COL4A1: variants seen among roughly 807,000 people sequenced by gnomAD.
The protein encoded by COL4A1 is collagen type IV alpha 1 chain, also known as collagen alpha-1(IV) chain.
Under a neutral mutation model 216.6 loss-of-function variants are expected in COL4A1, and 40 were observed. The ratio of observed to expected loss-of-function variants is 0.18; its 90% CI spans 0.14 to 0.24. The LOEUF is 0.24. COL4A1 is among the 10% of genes least tolerant of loss of function. COL4A1 has a pLI of 1.00. For missense variants in COL4A1, 1,628 were observed against 2,196.8 expected, an observed-to-expected ratio of 0.74 and a Z score of 5.18; for synonymous variants, 839 against 810.7, an observed-to-expected ratio of 1.03 and a Z score of -0.59.
intron 1 of COL4A1, among the ~76,000 whole-genome samples, chr13:110,258,830 A>G (rs2139274398): frequency 6.6e-6 from 1 of 152,380 alleles, no homozygotes; most frequent in South Asian, 2.1e-4. Flanking sequence ...AAATCATTAA[A>G]TATCTTCAAA....
At chr13:110,200,755 G>C (rs1018568600) in intron 20 of COL4A1, 99 bp downstream of exon 20, 1 of 1,266,530 alleles carries the variant, frequency 7.9e-7, no homozygotes, top group African/African-American at 1.5e-5. Context: ...TACCGATTGT[G>C]TGCAAATATC....
intron 1 of COL4A1, among the ~76,000 whole-genome samples, chr13:110,258,973 T>C (rs1237286965): frequency 6.6e-6 from 1 of 152,260 alleles, no homozygotes; most frequent in East Asian, 1.9e-4. Flanking sequence ...CCTGAGGATC[T>C]CATTCACCGG....
rs114337334 is a variant in COL4A1, at chr13:110,301,941, T to C, written c.84+5003A>G. On this transcript the variant is annotated intron_variant, in intron 1 of 51. Transcript: ENST00000375820. ...GGCAGATCCTGAACCAGCAAGTCTA[T>C]GACCATAACTTAGGGAATTGAGGGC... Among the ~76,000 whole-genome samples, 1,077 of 152,282 alleles carry C rather than the reference T, an allele frequency of 7.1e-3. 12 individuals are homozygous for C. Among genetic ancestry groups the C allele is most frequent in the African/African-American group, 0.025 (1,022 of 41,560 alleles).
At chr13:110,227,890 G>C (rs542499746) in intron 2 of COL4A1, among the ~76,000 whole-genome samples, 88 of 152,306 alleles carry the variant, frequency 5.8e-4, no homozygotes, top group African/African-American at 2.1e-3. Flanking sequence ...CCCTGTCTCG[G>C]GTCTCCGGGG....
chr13:110,205,199 T>C (rs1330739612), intron 17 of COL4A1, 154 bp downstream of exon 17: 2 of 832,584 alleles, frequency 2.4e-6, no homozygotes, highest in Non-Finnish European at 1.9e-6. Context: ...ATCATGAACA[T>C]AAAGGAAACC....
At chr13:110,270,014 G>A (rs1368224192) in intron 1 of COL4A1, among the ~76,000 whole-genome samples, 1 of 152,058 alleles carries the variant, frequency 6.6e-6, no homozygotes, top group Non-Finnish European at 1.5e-5. Flanking sequence ...GGACTAGAGC[G>A]TTCTTCTCCA....
At chr13:110,247,792 T>TGTGG in intron 1 of COL4A1, among the ~76,000 whole-genome samples, 1 of 37,718 alleles carries the variant, frequency 2.7e-5, no homozygotes, top group Non-Finnish European at 6.1e-5. Context: ...ATGCTACTCG[T>TGTGG]GTGTGTGTGT....
intron 21 of COL4A1, among the ~76,000 whole-genome samples, chr13:110,196,210 C>T (rs1020105431): frequency 1.3e-5 from 2 of 152,178 alleles, no homozygotes; most frequent in African/African-American, 4.8e-5. Flanking sequence ...CCCTGAGTTT[C>T]TCCCCACAAA....
intron 2 of COL4A1, among the ~76,000 whole-genome samples, chr13:110,233,116 T>G (rs1881142330): frequency 1.3e-5 from 2 of 152,102 alleles, no homozygotes; most frequent in African/African-American, 4.8e-5. Flanking sequence ...TTTTCTAGGG[T>G]ACATTGTTGA....
intron 1 of COL4A1, among the ~76,000 whole-genome samples, chr13:110,271,679 T>C (rs1043431757): frequency 8.5e-5 from 13 of 152,112 alleles, no homozygotes; most frequent in Non-Finnish European, 2.9e-5. Flanking sequence ...GACAGCTAAA[T>C]GCAATATGGA....
chr13:110,206,852 A>G lies in COL4A1; in HGVS notation c.807+13T>C. The G allele has an allele frequency of 6.2e-7, 1 of 1,614,116 alleles. No homozygotes were observed. The highest frequency in any genetic ancestry group is 8.5e-7 in the Non-Finnish European group (1 of 1,180,014). ...TTTGACCTAAAAATGATAGGCAGAA[A>G]CTGAGTACTGACCTGAAATCCAGGT... is the stretch of plus-strand genomic sequence containing the variant. On this transcript the variant is annotated intron_variant, in intron 14 of 51. Coordinates refer to ENST00000375820, the MANE Select transcript of COL4A1 (RefSeq NM_001845.6).
intron 1 of COL4A1, among the ~76,000 whole-genome samples, chr13:110,302,370 G>A (rs558842536): frequency 3.2e-4 from 48 of 152,338 alleles, no homozygotes; most frequent in East Asian, 5.8e-4. Context: ...ATGTGAAGAC[G>A]TTGAACTGGA....
At chr13:110,177,123 G>A (rs1406515158) in intron 33 of COL4A1, 86 bp from the exon 34 acceptor site, 4 of 1,589,704 alleles carry the variant, frequency 2.5e-6, no homozygotes, top group East Asian at 2.2e-5. Flanking sequence ...GACAGGGACA[G>A]CAGCTGGCAA....
chr13:110,178,916 C>CA lies in COL4A1; in HGVS notation c.2458+6dup, dbSNP rs1206557184. 1 of 1,602,682 alleles carries CA rather than the reference C, an allele frequency of 6.2e-7. No homozygotes were observed. The highest frequency in any genetic ancestry group is 1.1e-5 in the South Asian group (1 of 89,772). Reference sequence around the variant, plus strand: ...GGAACAGATAATTCTAGAAGCATGTCACTCACCTGACAACCCCGGTGGTCC... The same window carrying CA: ...GGAACAGATAATTCTAGAAGCATGTCAACTCACCTGACAACCCCGGTGGTCC... On this transcript the variant is annotated splice_region_variant and intron_variant, in intron 31 of 51. Coordinates refer to ENST00000375820, the MANE Select transcript of COL4A1 (RefSeq NM_001845.6).
intron 2 of COL4A1, among the ~76,000 whole-genome samples, chr13:110,231,085 G>A (rs1881036813): frequency 6.6e-6 from 1 of 152,212 alleles, no homozygotes; most frequent in Non-Finnish European, 1.5e-5. Flanking sequence ...CCCTGACTCA[G>A]AAAAACACAC....
intron 2 of COL4A1, among the ~76,000 whole-genome samples, chr13:110,235,427 G>C (rs1232601340): frequency 6.6e-6 from 1 of 152,120 alleles, no homozygotes; most frequent in Non-Finnish European, 1.5e-5. Flanking sequence ...GAGGCGGGCG[G>C]ATCACAAGGT....
intron 49 of COL4A1, 199 bp downstream of exon 49, chr13:110,160,993 G>A (rs937647979): frequency 3.1e-6 from 2 of 654,046 alleles, no homozygotes; most frequent in Non-Finnish European, 5.2e-6. Context: ...ACGGGCATGA[G>A]CCACTGTGCC....
intron 1 of COL4A1, among the ~76,000 whole-genome samples, chr13:110,296,708 G>C (rs926447104): frequency 4.6e-5 from 7 of 152,190 alleles, no homozygotes; most frequent in African/African-American, 1.7e-4. Context: ...TGAAGGCTCA[G>C]TCCCACAAGA....
intron 1 of COL4A1, among the ~76,000 whole-genome samples, chr13:110,305,428 T>C (rs916547326): frequency 3.9e-5 from 6 of 152,270 alleles, no homozygotes; most frequent in Admixed American, 3.3e-4. Context: ...GTTAGCTTTC[T>C]TTGCTTTGCT....
Sources: gnomAD v4.1 joint callset for allele counts (sites outside exome capture counted in the v4.1 genomes callset) on GRCh38, gnomAD v4.1.1 for gene constraint, MANE v1.5 for transcripts, NCBI Gene and HGNC (gene_info 2026-07-23, HGNC 2026-07-21) for gene names.